The following SH2D4A variants were observed in gnomAD, a reference collection of about 807,000 sequenced individuals.
The protein encoded by SH2D4A is SH2 domain containing 4A.
A neutral mutation model predicts 64.7 loss-of-function variants in SH2D4A; 70 were observed. The ratio of observed to expected loss-of-function variants is 1.08; its 90% CI spans 0.89 to 1.32. SH2D4A has a LOEUF of 1.32. Among genes scored for constraint, SH2D4A ranks in the 40% most tolerant of loss-of-function variants. SH2D4A has a pLI of 0.00. For synonymous variants in SH2D4A, 268 were observed against 200.7 expected (o/e 1.34, Z -2.83); for missense variants, 706 against 540.1 (o/e 1.31, Z -3.04).
chr8:19,382,941 C>T (rs936888081), intron 8 of SH2D4A, among the ~76,000 whole-genome samples: 18 of 150,010 alleles, frequency 1.2e-4, no homozygotes, highest in African/African-American at 9.8e-5. Flanking sequence ...AGCAATTCTC[C>T]TGCCTCAGCC....
chr8:19,357,402 T>C (rs993111179), intron 5 of SH2D4A, 119 bp downstream of exon 5: 1 of 790,404 alleles, frequency 1.3e-6, no homozygotes, highest in African/African-American at 1.7e-5. Context: ...ATGGGAAATC[T>C]GTCCTAAAAG....
chr8:19,318,446 G>A (rs1255086979), intron 1 of SH2D4A, among the ~76,000 whole-genome samples: 1 of 152,210 alleles, frequency 6.6e-6, no homozygotes, highest in Non-Finnish European at 1.5e-5. Context: ...AATGTGGAAA[G>A]TAGAATGAAA....
intron 4 of SH2D4A, among the ~76,000 whole-genome samples, chr8:19,353,695 T>TTTTTTTA (rs1554481600): frequency 6.8e-6 from 1 of 146,224 alleles, no homozygotes; most frequent in African/African-American, 2.6e-5. Flanking sequence ...TTTTTTTTTT[T>TTTTTTTA]AATAAAGGAA....
intron 8 of SH2D4A, among the ~76,000 whole-genome samples, chr8:19,380,356 A>AT (rs2053271469): frequency 6.6e-6 from 1 of 152,142 alleles, no homozygotes; most frequent in African/African-American, 2.4e-5. Context: ...CTTTTGATGT[A>AT]TAAAATGCTT....
chr8:19,325,504 C>G (rs543730423), intron 2 of SH2D4A, among the ~76,000 whole-genome samples: 1 of 152,288 alleles, frequency 6.6e-6, no homozygotes, highest in East Asian at 1.9e-4. Flanking sequence ...TTCTGTTCCC[C>G]CAACTCTGGG....
At chr8:19,325,043 T>C (rs1322974443) in intron 2 of SH2D4A, among the ~76,000 whole-genome samples, 1 of 152,160 alleles carries the variant, frequency 6.6e-6, no homozygotes, top group African/African-American at 2.4e-5. Flanking sequence ...CCTTGCAAGC[T>C]TGATGCAAAA....
Position 19,394,671 on chromosome 8 carries a change from T to TC in SH2D4A, c.*31dup, listed in dbSNP as rs1330538467. On this transcript the variant is annotated 3_prime_UTR_variant, in exon 10 of 10. Transcript: ENST00000265807. Reference sequence around the variant, plus strand: ...CCTCCATCAGGGTCATCCTACAGCCTCCAAGCGGGCTTTCCCCTGGACAAA... The same window carrying TC: ...CCTCCATCAGGGTCATCCTACAGCCTCCCAAGCGGGCTTTCCCCTGGACAAA... 2 of 1,557,476 alleles carry TC rather than the reference T, an allele frequency of 1.3e-6. No individual in the cohort carries two copies. Among genetic ancestry groups the TC allele is most frequent in the Non-Finnish European group, 8.7e-7 (1 of 1,144,976 alleles).
chr8:19,367,404 A>G (rs766185023), intron 7 of SH2D4A, among the ~76,000 whole-genome samples: 38 of 152,224 alleles, frequency 2.5e-4, no homozygotes, highest in Non-Finnish European at 4.9e-4. Flanking sequence ...TCTCACCAGC[A>G]TTTGTTTTTG....
chr8:19,361,981 C>A (rs2052897941), intron 6 of SH2D4A, among the ~76,000 whole-genome samples: 1 of 152,160 alleles, frequency 6.6e-6, no homozygotes, highest in African/African-American at 2.4e-5. Context: ...TAAGCCCATG[C>A]AACTGAAGGC....
rs2052339162 is a variant in SH2D4A at position 19,329,573 on chromosome 8, G to A, written c.182-3382G>A. On this transcript the variant is annotated intron_variant, in intron 2 of 9. Transcript: ENST00000265807. ...CCTAAGTGTTTACTTGTGTGATATG[G>A]TTTGGATCTGTATCCCCACCCAAAT... is the stretch of plus-strand genomic sequence containing the variant. Among the ~76,000 whole-genome samples, 5 of 152,284 alleles carry A rather than the reference G, an allele frequency of 3.3e-5. 1 individual carries two copies. The South Asian group carries it at 1.0e-3, about 32-fold the overall frequency.
At chr8:19,321,491 G>A (rs980273927) in intron 2 of SH2D4A, among the ~76,000 whole-genome samples, 2 of 152,206 alleles carry the variant, frequency 1.3e-5, no homozygotes, top group African/African-American at 4.8e-5. Context: ...TGGGATTACA[G>A]GCCTGAGCCA....
chr8:19,394,499 A>T (rs760226112), intron 9 of SH2D4A, 51 bp from the exon 10 acceptor site: 4 of 1,259,338 alleles, frequency 3.2e-6, no homozygotes, highest in Non-Finnish European at 4.4e-6. Context: ...AAGTAGGAAG[A>T]GCATGTGGTC....
Position 19,334,835 on chromosome 8 carries a change from C to T in SH2D4A, c.491C>T (p.Thr164Ile). 1 of 1,605,394 alleles carries T rather than the reference C, an allele frequency of 6.2e-7. No homozygotes were observed. The highest frequency in any genetic ancestry group is 2.2e-5 in the East Asian group (1 of 44,832). ...ELEQGSRPAP[T>I]LEEEKIRSLS... The stretch of plus-strand genomic sequence containing the variant: ...GAGCAAGGATCGAGGCCAGCACCAA[C>T]CCTGGAAGAAGAGAAAATCCGAGTG... Residue 164 changes from threonine to isoleucine, a missense_variant, in exon 4 of 10, where the codon ACC (threonine) becomes ATC (isoleucine). Transcript: ENST00000265807.
Position 19,362,773 on chromosome 8 carries a change from G to C in SH2D4A, c.707-1299G>C, listed in dbSNP as rs567366217. 4.6e-5 allele frequency among the ~76,000 whole-genome samples: 7 copies of C among 151,982 alleles called. No individual in the cohort carries two copies. The East Asian group carries it at 1.4e-3, about 29-fold the overall frequency. On this transcript the variant is annotated intron_variant, in intron 6 of 9. Coordinates refer to ENST00000265807, the MANE Select transcript of SH2D4A (RefSeq NM_022071.4). Reference sequence around the variant, plus strand: ...AACAAAACAAAACAAAAAAAACACAGACACACACATACAGAAAACCAAAAA... The same window carrying C: ...AACAAAACAAAACAAAAAAAACACACACACACACATACAGAAAACCAAAAA...
intron 5 of SH2D4A, 97 bp from the exon 6 acceptor site, chr8:19,361,106 G>A (rs2052876966): frequency 2.1e-6 from 1 of 486,646 alleles, no homozygotes; most frequent in African/African-American, 7.5e-5. Context: ...CAGCTGTGCC[G>A]GGTACCCCGT....
Position 19,313,695 on chromosome 8 carries a change from A to C in SH2D4A, c.-333A>C. 7.1e-7 allele frequency: 1 copy of C among 1,416,346 alleles called. No individual in the cohort carries two copies. Among genetic ancestry groups the C allele is most frequent in the Non-Finnish European group, 9.5e-7 (1 of 1,056,884 alleles). 87.7% of individuals were successfully genotyped at this position (1,416,346 alleles called of 1,614,324 possible). ...AGCTGTTTTGCGTCCGGGCCGGAGT[A>C]TTTGCTCAGCCCGCCTGCGCCGCTT... On this transcript the variant is annotated 5_prime_UTR_variant, in exon 1 of 10. Transcript: ENST00000265807.
At chr8:19,363,365 C>G (rs1411597688) in intron 6 of SH2D4A, among the ~76,000 whole-genome samples, 1 of 152,158 alleles carries the variant, frequency 6.6e-6, no homozygotes, top group Non-Finnish European at 1.5e-5. Context: ...GTATGAGCCA[C>G]TGTGCCCGGC....
At chr8:19,388,065 G>T (rs1393107136) in intron 8 of SH2D4A, among the ~76,000 whole-genome samples, 4 of 152,156 alleles carry the variant, frequency 2.6e-5, no homozygotes, top group Non-Finnish European at 5.9e-5. Context: ...AATCAAAAAT[G>T]CATCTTCTTT....
rs990122399 is a variant in SH2D4A at position 19,334,262 on chromosome 8, G to A, written c.342-424G>A. On this transcript the variant is annotated intron_variant, in intron 3 of 9. Transcript: ENST00000265807. ...GTGGATGGTGCATTGGACTTTCAAG[G>A]GCTGGGATGCTGCCCACTAGTGCCT... 3.3e-5 allele frequency among the ~76,000 whole-genome samples: 5 copies of A among 152,292 alleles called. No homozygotes were observed. In the East Asian group the frequency reaches 9.7e-4, roughly 29 times the overall value.
Sources: gnomAD v4.1 joint callset for allele counts (sites outside exome capture counted in the v4.1 genomes callset) on GRCh38, gnomAD v4.1.1 for gene constraint, MANE v1.5 for transcripts, NCBI Gene and HGNC (gene_info 2026-07-23, HGNC 2026-07-21) for gene names.